GTF2H3: variants seen among roughly 807,000 people sequenced by gnomAD.
The protein encoded by GTF2H3 is TFIIH basal transcription factor complex p34 subunit.
A neutral mutation model predicts 51.1 loss-of-function variants in GTF2H3; 42 were observed. The ratio of observed to expected loss-of-function variants is 0.82; its 90% CI spans 0.64 to 1.06. The LOEUF is 1.06. GTF2H3 is among the 50% of genes least tolerant of loss of function. GTF2H3 has a pLI of 0.00. For synonymous variants in GTF2H3, 123 were observed against 123.8 expected (o/e 0.99, Z 0.04); for missense variants, 326 against 366.1 (o/e 0.89, Z 0.89).
intron 1 of GTF2H3, among the ~76,000 whole-genome samples, chr12:123,635,878 C>T (rs1566221138): frequency 6.6e-6 from 1 of 152,150 alleles, no homozygotes; most frequent in African/African-American, 2.4e-5. Flanking sequence ...TGTGGGTTGT[C>T]AGAGGTGGGC....
intron 1 of GTF2H3, among the ~76,000 whole-genome samples, chr12:123,636,423 AG>A (rs1336189084): frequency 6.6e-6 from 1 of 152,262 alleles, no homozygotes; most frequent in Non-Finnish European, 1.5e-5. Flanking sequence ...TGTAGAAGAC[AG>A]GACTGCAGGA....
intron 4 of GTF2H3, among the ~76,000 whole-genome samples, chr12:123,650,704 T>C (rs1248959990): frequency 3.3e-5 from 5 of 152,216 alleles, no homozygotes; most frequent in Non-Finnish European, 2.9e-5. Flanking sequence ...CTTTACAAAC[T>C]GAAATTCTGT....
At chr12:123,635,090 C>G (rs893650021) in intron 1 of GTF2H3, among the ~76,000 whole-genome samples, 1 of 152,118 alleles carries the variant, frequency 6.6e-6, no homozygotes, top group African/African-American at 2.4e-5. Flanking sequence ...TGGCATTGCT[C>G]CTGTCTACAA....
At chr12:123,634,469 A>C (rs547470527) in intron 1 of GTF2H3, among the ~76,000 whole-genome samples, 1 of 152,358 alleles carries the variant, frequency 6.6e-6, no homozygotes, top group East Asian at 1.9e-4. Flanking sequence ...ATTATTTTTC[A>C]AAGGATGAAA....
At chr12:123,643,263 T>C (rs571797739) in intron 2 of GTF2H3, among the ~76,000 whole-genome samples, 13 of 152,362 alleles carry the variant, frequency 8.5e-5, no homozygotes, top group African/African-American at 2.6e-4. Context: ...CATTGACTTA[T>C]GCAATTTACT....
rs952445887 is a variant in GTF2H3, at chr12:123,648,108, A to G, written c.346A>G (p.Lys116Glu). Reference protein sequence around the residue: ...SANEVIVEEIKDLMTKSDIKG... With the variant: ...SANEVIVEEIEDLMTKSDIKG... ...AAATGAAGTTATTGTTGAAGAGATTAAAGATCTAATGACCAAAAGTAACAA... is the reference window on the plus strand; with the variant it reads ...AAATGAAGTTATTGTTGAAGAGATTGAAGATCTAATGACCAAAAGTAACAA... The change falls in exon 4 of 13, where the codon AAA (lysine) becomes GAA (glutamate). Residue 116 changes from lysine to glutamate, a missense_variant. Coordinates refer to ENST00000543341, the MANE Select transcript of GTF2H3 (RefSeq NM_001516.5). 2 of 1,604,646 alleles carry G rather than the reference A, an allele frequency of 1.2e-6. No individual in the cohort carries two copies.
chr12:123,645,072 C>A (rs1955427905), intron 2 of GTF2H3, among the ~76,000 whole-genome samples: 2 of 151,864 alleles, frequency 1.3e-5, no homozygotes, highest in South Asian at 4.2e-4. Flanking sequence ...TAAATGAAGT[C>A]TTTTTTTTGT....
At chr12:123,635,327 T>C (rs1955263451) in intron 1 of GTF2H3, among the ~76,000 whole-genome samples, 1 of 152,184 alleles carries the variant, frequency 6.6e-6, no homozygotes, top group Admixed American at 6.5e-5. Flanking sequence ...TCCCAGCATT[T>C]TGGAAGGCCA....
At chr12:123,641,022 C>T (rs369699725) in intron 2 of GTF2H3, among the ~76,000 whole-genome samples, 27 of 152,208 alleles carry the variant, frequency 1.8e-4, no homozygotes, top group South Asian at 1.0e-3. Flanking sequence ...TGCGTGATAG[C>T]GCACCTATAG....
At chr12:123,644,251 G>C (rs924171021) in intron 2 of GTF2H3, among the ~76,000 whole-genome samples, 1 of 151,944 alleles carries the variant, frequency 6.6e-6, no homozygotes, top group Non-Finnish European at 1.5e-5. Flanking sequence ...TACTAGAGAA[G>C]TTTCTCTGAA....
rs969320130 is a variant in GTF2H3 at position 123,662,318 on chromosome 12, C to A, written c.*2083C>A. The A allele has an allele frequency of 7.2e-5, 11 of 152,120 alleles. No homozygotes were observed. Among genetic ancestry groups the A allele is most frequent in the Admixed American group, 1.3e-4 (2 of 15,270 alleles). The allele number at this position is 152,120 out of a possible 1,614,324, so 9.4% of individuals were successfully genotyped here. ...ATTTGTGTTTTTGTTAACAAATATA[C>A]AAAGACTTTGGTGATCACTTTGCAA... On this transcript the variant is annotated 3_prime_UTR_variant, in exon 13 of 13. Coordinates refer to ENST00000543341, the MANE Select transcript of GTF2H3 (RefSeq NM_001516.5).
At chr12:123,654,877 A>G (rs772009745) in intron 7 of GTF2H3, 47 bp from the exon 8 acceptor site, 15 of 1,261,150 alleles carry the variant, frequency 1.2e-5, no homozygotes, top group Non-Finnish European at 1.2e-5. Context: ...TTGGTGTGAG[A>G]GGACTGGCAT....
At chr12:123,645,691 C>T in intron 3 of GTF2H3, 130 bp downstream of exon 3, 1 of 606,874 alleles carries the variant, frequency 1.6e-6, no homozygotes, top group Non-Finnish European at 2.9e-6. Flanking sequence ...ACAGCCACAG[C>T]ACCAAGAGCC....
chr12:123,645,448 C>T lies in GTF2H3; in HGVS notation c.94-7C>T. On this transcript the variant is annotated splice_region_variant and splice_polypyrimidine_tract_variant and intron_variant, in intron 2 of 12. Transcript: ENST00000543341. ...TTGTTTTTCTAATGTCTTTTTTTTT[C>T]CAACAGTTCACTTTATCCAAATGCA... is the stretch of plus-strand genomic sequence containing the variant. 6.2e-6 allele frequency: 9 copies of T among 1,441,210 alleles called. No individual in the cohort carries two copies. Among genetic ancestry groups the T allele is most frequent in the East Asian group, 2.3e-5 (1 of 43,926 alleles). The allele number at this position is 1,441,210 out of a possible 1,614,324, so 89.3% of individuals were successfully genotyped here.
intron 5 of GTF2H3, among the ~76,000 whole-genome samples, chr12:123,652,067 C>T (rs1363802338): frequency 6.6e-6 from 1 of 152,188 alleles, no homozygotes; most frequent in African/African-American, 2.4e-5. Context: ...GCTCCTTCTC[C>T]ATAGGTGAAC....
Position 123,645,581 on chromosome 12 carries a change from T to C in GTF2H3, c.200+20T>C, listed in dbSNP as rs2292702. On this transcript the variant is annotated intron_variant, in intron 3 of 12. Transcript: ENST00000543341. Reference sequence around the variant, plus strand: ...AGAAAGGTATGACCATTGTGATTGCTTTTGCTCTTCAGTGCTTAATATTCA... The same window carrying C: ...AGAAAGGTATGACCATTGTGATTGCCTTTGCTCTTCAGTGCTTAATATTCA... The C allele has an allele frequency of 0.067, 86,314 of 1,280,622 alleles. 6,629 individuals carry two copies. The highest frequency in any genetic ancestry group is 0.36 in the African/African-American group (24,514 of 67,884). The allele number at this position is 1,280,622 out of a possible 1,614,324, so 79.3% of individuals were successfully genotyped here.
intron 1 of GTF2H3, among the ~76,000 whole-genome samples, chr12:123,637,859 G>T (rs1023602865): frequency 6.6e-6 from 1 of 152,052 alleles, no homozygotes; most frequent in African/African-American, 2.4e-5. Flanking sequence ...TGATGAGTAC[G>T]GGCCAAATTG....
At chr12:123,651,485 A>G (rs892683628) in intron 5 of GTF2H3, among the ~76,000 whole-genome samples, 1 of 150,932 alleles carries the variant, frequency 6.6e-6, no homozygotes, top group African/African-American at 2.4e-5. Flanking sequence ...TGCTGGGATT[A>G]CAGGCCACAG....
chr12:123,650,192 A>G (rs1470570544), intron 4 of GTF2H3: 3 of 152,272 alleles, frequency 2.0e-5, no homozygotes, highest in Non-Finnish European at 2.9e-5. Flanking sequence ...CAGAGTGTCA[A>G]TCTGAGCTCC....
Sources: gnomAD v4.1 joint callset for allele counts (sites outside exome capture counted in the v4.1 genomes callset) on GRCh38, gnomAD v4.1.1 for gene constraint, MANE v1.5 for transcripts, NCBI Gene and HGNC (gene_info 2026-07-23, HGNC 2026-07-21) for gene names.